The following SHCBP1L variants were observed in gnomAD, a reference collection of about 807,000 sequenced individuals.
SHCBP1L encodes the protein SHC binding and spindle associated 1 like.
Under a neutral mutation model 62.5 loss-of-function variants are expected in SHCBP1L, and 67 were observed. The observed-to-expected ratio is 1.07, with a 90% confidence interval of 0.88 to 1.31. SHCBP1L has a LOEUF of 1.31. Ranked by LOEUF, SHCBP1L falls within the 40% of genes most tolerant of loss-of-function variation. The pLI is 0.00. For synonymous variants in SHCBP1L, 284 were observed against 289.4 expected (o/e 0.98, Z 0.19); for missense variants, 823 against 809.8 (o/e 1.02, Z -0.20).
intron 6 of SHCBP1L, among the ~76,000 whole-genome samples, chr1:182,922,819 C>T (rs186993263): frequency 2.0e-4 from 31 of 152,220 alleles, no homozygotes; most frequent in African/African-American, 6.7e-4. Context: ...CTCAAATTGA[C>T]AACCTAACAT....
chr1:182,933,635 T>C (rs1408745250), intron 5 of SHCBP1L, among the ~76,000 whole-genome samples: 1 of 152,150 alleles, frequency 6.6e-6, no homozygotes, highest in Admixed American at 6.5e-5. Context: ...TTATATATTA[T>C]ACTGATTGAT....
At chr1:182,949,840 T>C (rs190287852) in intron 2 of SHCBP1L, among the ~76,000 whole-genome samples, 11 of 151,392 alleles carry the variant, frequency 7.3e-5, no homozygotes, top group Admixed American at 7.2e-4. Flanking sequence ...TTTTTTTTTT[T>C]TTTTGAGATG....
chr1:182,923,329 T>G (rs1011251263), intron 6 of SHCBP1L, among the ~76,000 whole-genome samples: 1 of 152,206 alleles, frequency 6.6e-6, no homozygotes, highest in Non-Finnish European at 1.5e-5. Context: ...CCAATCCTGC[T>G]GAAACTATTC....
chr1:182,947,910 T>C (rs1291572453), intron 2 of SHCBP1L, among the ~76,000 whole-genome samples: 1 of 152,182 alleles, frequency 6.6e-6, no homozygotes, highest in Non-Finnish European at 1.5e-5. Context: ...GTTCTGACTT[T>C]AAGCGATCCT....
intron 9 of SHCBP1L, among the ~76,000 whole-genome samples, chr1:182,901,129 G>T (rs1044234371): frequency 6.6e-6 from 1 of 152,112 alleles, no homozygotes; most frequent in Admixed American, 6.6e-5. Flanking sequence ...TTTGAAGAGG[G>T]ACAACCACAT....
intron 6 of SHCBP1L, among the ~76,000 whole-genome samples, chr1:182,908,177 G>A: frequency 7.2e-6 from 1 of 139,510 alleles, no homozygotes; most frequent in African/African-American, 2.5e-5. Flanking sequence ...AGATATGGGG[G>A]TGCATGTGCA....
At chr1:182,908,107 A>G (rs982244009) in intron 6 of SHCBP1L, among the ~76,000 whole-genome samples, 2 of 151,948 alleles carry the variant, frequency 1.3e-5, no homozygotes, top group African/African-American at 4.8e-5. Context: ...CACCTTCCCC[A>G]TGTCTTTAAA....
At chr1:182,921,473 G>A (rs1650526193) in intron 6 of SHCBP1L, among the ~76,000 whole-genome samples, 1 of 152,212 alleles carries the variant, frequency 6.6e-6, no homozygotes, top group Non-Finnish European at 1.5e-5. Flanking sequence ...TAATAGGTTT[G>A]TTAGGTTTGT....
chr1:182,900,406 C>T (rs1027076701), intron 9 of SHCBP1L, among the ~76,000 whole-genome samples, 172 bp from the exon 10 acceptor site: 1 of 152,116 alleles, frequency 6.6e-6, no homozygotes, highest in Non-Finnish European at 1.5e-5. Flanking sequence ...CACCAACTAA[C>T]GTAATATTAA....
Position 182,952,976 on chromosome 1 carries a change from G to T in SHCBP1L, c.158C>A (p.Ser53Tyr). 6.5e-7 allele frequency: 1 copy of T among 1,544,038 alleles called. No homozygotes were observed. The change falls in exon 1 of 10, where the codon TCC becomes TAC. Residue 53 changes from serine to tyrosine, a missense_variant. Ser to Tyr is a moderately radical substitution (Grantham distance 144). Transcript: ENST00000367547. ...CGCTTTCCCCTTCACCGGGCGAGGG[G>T]AGGCCACCACCGACCGCACTGGGAT... ...TAIPVRSVVA[S>Y]PRPVKGKAGR...
Position 182,903,275 on chromosome 1 carries a change from G to A in SHCBP1L, c.1588-114C>T, listed in dbSNP as rs3130493. The A allele has an allele frequency of 5.3e-3, 4,172 of 786,726 alleles. 101 individuals are homozygous for A. The African/African-American group carries it at 0.061, about 11-fold the overall frequency. 48.7% of individuals were successfully genotyped at this position (786,726 alleles called of 1,614,324 possible). A position where few individuals can be genotyped will look rare whatever the true frequency, so the allele number is the denominator to read the frequency against. On this transcript the variant is annotated intron_variant, in intron 8 of 9. Coordinates refer to ENST00000367547, the MANE Select transcript of SHCBP1L (RefSeq NM_030933.4). ...ATTACCACTATAAACATTGAGTTAC[G>A]TGCAAATACGTGATCATGCATGCAA...
intron 9 of SHCBP1L, among the ~76,000 whole-genome samples, chr1:182,902,658 C>T (rs1454960826): frequency 6.6e-6 from 1 of 152,140 alleles, no homozygotes; most frequent in African/African-American, 2.4e-5. Flanking sequence ...TAGCTTAAAT[C>T]ATTTAACACA....
At chr1:182,906,101 A>C (rs900384900) in intron 6 of SHCBP1L, among the ~76,000 whole-genome samples, 1 of 151,800 alleles carries the variant, frequency 6.6e-6, no homozygotes, top group African/African-American at 2.4e-5. Context: ...CGTCTGGCTA[A>C]TTTTTTGTAT....
Position 182,939,261 on chromosome 1 carries a change from C to T in SHCBP1L, c.991G>A (p.Ala331Thr), listed in dbSNP as rs1651274770. Reference sequence around the variant, plus strand: ...TTTTTCCAGCATTCAACAGCCTCTGCTGCAGATGGATCTTCTTTAATATTG... The same window carrying T: ...TTTTTCCAGCATTCAACAGCCTCTGTTGCAGATGGATCTTCTTTAATATTG... The part of the protein sequence containing the change: ...QSNIKEDPSA[A>T]EAVECWKKYY... Residue 331 changes from alanine to threonine, a missense_variant, in exon 5 of 10, where the codon GCA becomes ACA. By Grantham distance (58) the Ala-to-Thr change is moderately conservative. Coordinates refer to ENST00000367547, the MANE Select transcript of SHCBP1L (RefSeq NM_030933.4). The T allele has an allele frequency of 3.7e-6, 6 of 1,613,972 alleles. No homozygotes were observed. Among genetic ancestry groups the T allele is most frequent in the Non-Finnish European group, 5.1e-6 (6 of 1,179,954 alleles).
intron 9 of SHCBP1L, 44 bp from the exon 10 acceptor site, chr1:182,900,278 TA>T (rs1210651267): frequency 1.4e-6 from 2 of 1,455,556 alleles, no homozygotes; most frequent in East Asian, 2.3e-5. Context: ...TGATTTTATT[TA>T]AAAAATGAAG....
At chr1:182,930,166 T>C (rs1650914932) in intron 5 of SHCBP1L, among the ~76,000 whole-genome samples, 1 of 152,190 alleles carries the variant, frequency 6.6e-6, no homozygotes, top group South Asian at 2.1e-4. Flanking sequence ...TTAGATACTA[T>C]GCTCAATTAA....
chr1:182,929,101 A>G (rs1650876096), intron 6 of SHCBP1L, among the ~76,000 whole-genome samples: 1 of 152,292 alleles, frequency 6.6e-6, no homozygotes, highest in Middle Eastern at 3.4e-3. Flanking sequence ...TGAAATGAAA[A>G]TATTTGCTCT....
intron 6 of SHCBP1L, among the ~76,000 whole-genome samples, chr1:182,922,946 A>G (rs950641311): frequency 5.3e-5 from 8 of 152,292 alleles, no homozygotes; most frequent in African/African-American, 1.9e-4. Context: ...CATACAAAAG[A>G]TCAACAAAAC....
chr1:182,933,311 C>A (rs556955484), intron 5 of SHCBP1L, among the ~76,000 whole-genome samples: 1 of 152,188 alleles, frequency 6.6e-6, no homozygotes, highest in Non-Finnish European at 1.5e-5. Flanking sequence ...CCTTTCCAAT[C>A]TGTATGCTTT....
Sources: gnomAD v4.1 joint callset for allele counts (sites outside exome capture counted in the v4.1 genomes callset) on GRCh38, gnomAD v4.1.1 for gene constraint, MANE v1.5 for transcripts, NCBI Gene and HGNC (gene_info 2026-07-23, HGNC 2026-07-21) for gene names.